ZNF385B: variants seen among roughly 807,000 people sequenced by gnomAD.
The protein encoded by ZNF385B is zinc finger protein 533.
A neutral mutation model predicts 39.2 loss-of-function variants in ZNF385B; 23 were observed. That is an observed-to-expected ratio of 0.59 (90% confidence interval 0.42 to 0.83). The LOEUF (loss-of-function observed/expected upper bound fraction) is 0.83, where lower values mean the gene tolerates loss of function less well. Among genes scored for constraint, ZNF385B ranks in the 40% least tolerant of loss-of-function variants. The pLI is 0.00. For missense variants in ZNF385B, 552 were observed against 598.9 expected, an observed-to-expected ratio of 0.92 and a Z score of 0.82; for synonymous variants, 205 against 222.6, an observed-to-expected ratio of 0.92 and a Z score of 0.70.
chr2:179,483,743 A>T (rs2054266981), intron 5 of ZNF385B, among the ~76,000 whole-genome samples: 1 of 152,186 alleles, frequency 6.6e-6, no homozygotes, highest in African/African-American at 2.4e-5. Context: ...ACCAGTGCCC[A>T]TTGGGGCTAC....
intron 3 of ZNF385B, among the ~76,000 whole-genome samples, chr2:179,731,933 G>A (rs1701421138): frequency 6.6e-6 from 1 of 152,142 alleles, no homozygotes; most frequent in South Asian, 2.1e-4. Context: ...GTCCCACAAA[G>A]CCACCACACC....
chr2:179,729,541 T>C (rs1229781902), intron 3 of ZNF385B, among the ~76,000 whole-genome samples: 2 of 152,234 alleles, frequency 1.3e-5, no homozygotes, highest in African/African-American at 2.4e-5. Flanking sequence ...TTGCCTGGTC[T>C]TGTTCTTACA....
At chr2:179,585,779 T>C (rs1687017227) in intron 3 of ZNF385B, 2 of 152,220 alleles carry the variant, frequency 1.3e-5, no homozygotes, top group African/African-American at 4.8e-5. Flanking sequence ...CTTATAGTTC[T>C]GTTCCTTCTA....
At chr2:179,608,519 T>C (rs1689012914) in intron 3 of ZNF385B, among the ~76,000 whole-genome samples, 2 of 152,174 alleles carry the variant, frequency 1.3e-5, no homozygotes, top group African/African-American at 4.8e-5. Flanking sequence ...TTTTACAGCT[T>C]CCTTTTCTTC....
intron 3 of ZNF385B, among the ~76,000 whole-genome samples, chr2:179,668,546 T>C (rs909259902): frequency 6.6e-6 from 1 of 151,976 alleles, no homozygotes; most frequent in Non-Finnish European, 1.5e-5. Flanking sequence ...TATTTTTGTT[T>C]GCACATAAAG....
At chr2:179,542,644 G>C (rs1020722481) in intron 4 of ZNF385B, among the ~76,000 whole-genome samples, 1 of 151,994 alleles carries the variant, frequency 6.6e-6, no homozygotes, top group African/African-American at 2.4e-5. Flanking sequence ...CTTTATGAAG[G>C]TATTCTCTCC....
chr2:179,735,832 T>G (rs1701712937), intron 3 of ZNF385B, among the ~76,000 whole-genome samples: 1 of 141,962 alleles, frequency 7.0e-6, no homozygotes. Context: ...AATTGAACAA[T>G]GAGATCACAT....
rs200462633 is a variant in ZNF385B at position 179,698,989 on chromosome 2, TG to T, written c.298+70513del. Among the ~76,000 whole-genome samples the T allele has an allele frequency of 1.8e-4, 27 of 152,260 alleles. No homozygotes were observed. In the South Asian group the frequency reaches 2.1e-3, roughly 12 times the overall value. On this transcript the variant is annotated intron_variant, in intron 3 of 9. Coordinates refer to ENST00000410066, the MANE Select transcript of ZNF385B (RefSeq NM_152520.6). ...CTATTGAAGTTTGACAAATGTTTTT[TG>T]TTAATGCATTTTTTACTTGCATATT...
chr2:179,816,169 T>C (rs1707053273), intron 1 of ZNF385B, among the ~76,000 whole-genome samples: 1 of 152,200 alleles, frequency 6.6e-6, no homozygotes, highest in Non-Finnish European at 1.5e-5. Flanking sequence ...GAAACTTCAT[T>C]CATCAAGCTG....
rs562891252 is a variant in ZNF385B at position 179,553,477 on chromosome 2, G to T, written c.299-8508C>A. ...TTAATGAGATTTTACTGCATGCCAG[G>T]TAACGTGCTAAGTGATTTATGTCCC... On this transcript the variant is annotated intron_variant, in intron 3 of 9. Coordinates refer to ENST00000410066, the MANE Select transcript of ZNF385B (RefSeq NM_152520.6). Among the ~76,000 whole-genome samples the T allele has an allele frequency of 6.7e-5, 10 of 148,920 alleles. 1 individual carries two copies. The highest frequency in any genetic ancestry group is 1.2e-4 in the Non-Finnish European group (8 of 67,410).
At chr2:179,808,234 G>A (rs970947899) in intron 1 of ZNF385B, among the ~76,000 whole-genome samples, 4 of 152,004 alleles carry the variant, frequency 2.6e-5, no homozygotes, top group Non-Finnish European at 5.9e-5. Context: ...GGGTTTCACC[G>A]TGTTAGCCAG....
At chr2:179,801,205 T>C (rs1706009828) in intron 1 of ZNF385B, among the ~76,000 whole-genome samples, 1 of 152,078 alleles carries the variant, frequency 6.6e-6, no homozygotes, top group African/African-American at 2.4e-5. Flanking sequence ...TTCTCCTTCA[T>C]ACTATGGAGT....
At chr2:179,664,552 A>G (rs1034026379) in intron 3 of ZNF385B, among the ~76,000 whole-genome samples, 3 of 152,230 alleles carry the variant, frequency 2.0e-5, no homozygotes, top group African/African-American at 4.8e-5. Flanking sequence ...AAGAACAAAA[A>G]GAAAAAAATT....
chr2:179,450,246 A>T (rs1436296502), intron 6 of ZNF385B, among the ~76,000 whole-genome samples: 4 of 152,194 alleles, frequency 2.6e-5, no homozygotes, highest in Admixed American at 6.5e-5. Context: ...GCCAAAATTG[A>T]CAAATGGGAT....
intron 3 of ZNF385B, among the ~76,000 whole-genome samples, chr2:179,630,251 C>T (rs1691072635): frequency 6.6e-6 from 1 of 152,228 alleles, no homozygotes; most frequent in Non-Finnish European, 1.5e-5. Context: ...AACTGGGAGA[C>T]ACCTCCCAGT....
rs912361094 is a variant in ZNF385B at position 179,584,261 on chromosome 2, A to G, written c.299-39292T>C. Among the ~76,000 whole-genome samples, 3 of 152,148 alleles carry G rather than the reference A, an allele frequency of 2.0e-5. No homozygotes were observed. In the South Asian group the frequency reaches 6.2e-4, roughly 32 times the overall value. ...AGCATCCTAACCCCTTGTTATAACA[A>G]AAAATATCTCCAGACATTGTCAAAA... On this transcript the variant is annotated intron_variant, in intron 3 of 9. Transcript: ENST00000410066.
intron 3 of ZNF385B, among the ~76,000 whole-genome samples, chr2:179,698,580 T>C (rs1004234760): frequency 6.6e-6 from 1 of 152,190 alleles, no homozygotes; most frequent in South Asian, 2.1e-4. Context: ...TACCTAGAAA[T>C]GAATGTTACA....
chr2:179,473,759 T>C (rs2053086292), intron 6 of ZNF385B, among the ~76,000 whole-genome samples: 1 of 152,180 alleles, frequency 6.6e-6, no homozygotes, highest in Non-Finnish European at 1.5e-5. Context: ...CTCCCACTTA[T>C]GAGTGAGAAG....
chr2:179,515,568 A>G (rs1325203242), intron 5 of ZNF385B, among the ~76,000 whole-genome samples: 5 of 152,154 alleles, frequency 3.3e-5, no homozygotes, highest in Non-Finnish European at 7.3e-5. Flanking sequence ...TTGAACAATA[A>G]CTGAGCAATA....
Sources: allele counts gnomAD v4.1 joint callset (sites outside exome capture counted in the v4.1 genomes callset), GRCh38; gene constraint gnomAD v4.1.1; transcripts MANE v1.5; gene names NCBI Gene and HGNC (gene_info 2026-07-23, HGNC 2026-07-21).